Variants in DPP10 observed in about 807,000 individuals in gnomAD.
The protein encoded by DPP10 is dipeptidyl peptidase like 10, also known as inactive dipeptidyl peptidase 10.
Under a neutral mutation model 120.9 loss-of-function variants are expected in DPP10, and 33 were observed. The ratio of observed to expected loss-of-function variants is 0.27; its 90% CI spans 0.21 to 0.37. The LOEUF (loss-of-function observed/expected upper bound fraction) is 0.37, where lower values mean the gene tolerates loss of function less well. DPP10 is among the 10% of genes least tolerant of loss of function. The pLI is 1.00. For missense variants in DPP10, 816 were observed against 942.8 expected (o/e 0.87, Z 1.76); for synonymous variants, 337 against 326.1 (o/e 1.03, Z -0.36).
chr2:115,658,187 G>T (rs916468704), intron 5 of DPP10, among the ~76,000 whole-genome samples: 4 of 151,918 alleles, frequency 2.6e-5, no homozygotes, highest in African/African-American at 9.7e-5. Context: ...TCTAGTAAAT[G>T]CAACAAGCAA....
At chr2:114,647,289 G>A (rs532377455) in intron 1 of DPP10, among the ~76,000 whole-genome samples, 1 of 152,228 alleles carries the variant, frequency 6.6e-6, no homozygotes, top group African/African-American at 2.4e-5. Flanking sequence ...GCTGTCTCCT[G>A]GGGTGAGCAA....
At chr2:114,596,733 G>A (rs1240512806) in intron 1 of DPP10, among the ~76,000 whole-genome samples, 1 of 151,798 alleles carries the variant, frequency 6.6e-6, no homozygotes, top group African/African-American at 2.4e-5. Context: ...TAAAACTGAG[G>A]CAGAGAGAAG....
chr2:115,379,916 G>T (rs1246240485), intron 3 of DPP10, among the ~76,000 whole-genome samples: 1 of 152,182 alleles, frequency 6.6e-6, no homozygotes, highest in African/African-American at 2.4e-5. Context: ...TGGTCTGAGA[G>T]ATAGTTTGTT....
At chr2:115,303,006 T>A (rs1329812093) in intron 1 of DPP10, among the ~76,000 whole-genome samples, 2 of 152,060 alleles carry the variant, frequency 1.3e-5, no homozygotes, top group Non-Finnish European at 2.9e-5. Flanking sequence ...TATTCTTAAC[T>A]GATGTCTTGT....
chr2:114,718,495 T>C (rs1701500468), intron 1 of DPP10, among the ~76,000 whole-genome samples: 1 of 151,990 alleles, frequency 6.6e-6, no homozygotes, highest in African/African-American at 2.4e-5. Context: ...GCTATTGTAT[T>C]GGATAGATAT....
intron 15 of DPP10, among the ~76,000 whole-genome samples, chr2:115,778,753 T>A (rs1208123302): frequency 1.3e-5 from 2 of 152,102 alleles, no homozygotes; most frequent in Non-Finnish European, 2.9e-5. Context: ...CACACTCTTA[T>A]TTATACACAA....
intron 10 of DPP10, among the ~76,000 whole-genome samples, chr2:115,749,155 G>T (rs1442417142): frequency 6.6e-6 from 1 of 152,118 alleles, no homozygotes; most frequent in East Asian, 1.9e-4. Context: ...TTAAGGTATT[G>T]CAATCACACA....
chr2:115,336,599 C>CTATA (rs71394128), intron 2 of DPP10, among the ~76,000 whole-genome samples: 9 of 145,786 alleles, frequency 6.2e-5, no homozygotes, highest in Non-Finnish European at 1.1e-4. Context: ...CTCTCTCTCT[C>CTATA]TATATATATA....
At position 115,294,709 on chromosome 2, in the gene DPP10, C is replaced by G. The variant is rs2060806636; in HGVS notation, c.61-14530C>G. On this transcript the variant is annotated intron_variant, in intron 1 of 25. Coordinates refer to ENST00000410059, the MANE Select transcript of DPP10 (RefSeq NM_020868.6). ...ACCTATGTAGTTTATGAAGGCAAAG[C>G]CTACAGTTAGTTTGAGACAACTATT... Among the ~76,000 whole-genome samples the G allele has an allele frequency of 5.3e-5, 8 of 152,186 alleles. No homozygotes were observed. In the South Asian group the frequency reaches 1.7e-3, roughly 32 times the overall value.
At chr2:115,537,438 T>C (rs1036848917) in intron 5 of DPP10, among the ~76,000 whole-genome samples, 3 of 152,046 alleles carry the variant, frequency 2.0e-5, no homozygotes, top group African/African-American at 7.2e-5. Flanking sequence ...TTAGGTTGAA[T>C]GTGAGTTAAG....
chr2:114,497,390 CACAT>C (rs918676120), intron 1 of DPP10, among the ~76,000 whole-genome samples: 3 of 125,898 alleles, frequency 2.4e-5, no homozygotes, highest in African/African-American at 1.0e-4. Context: ...CATATACATA[CACAT>C]ACATATACAT....
At chr2:115,663,260 A>C (rs2089156869) in intron 5 of DPP10, among the ~76,000 whole-genome samples, 1 of 152,164 alleles carries the variant, frequency 6.6e-6, no homozygotes, top group African/African-American at 2.4e-5. Context: ...TATATATTTC[A>C]TATTTAAAAG....
At chr2:115,573,276 ATTTTTT>A (rs34420249) in intron 5 of DPP10, among the ~76,000 whole-genome samples, 2 of 86,528 alleles carry the variant, frequency 2.3e-5, no homozygotes, top group Non-Finnish European at 2.3e-5. Flanking sequence ...GCTTCCTGGG[ATTTTTT>A]TTTTTTTTTT....
intron 4 of DPP10, among the ~76,000 whole-genome samples, chr2:115,515,153 A>T (rs2148854220): frequency 6.6e-6 from 1 of 152,074 alleles, no homozygotes; most frequent in South Asian, 2.1e-4. Flanking sequence ...TGGTTTAAAT[A>T]TTTTTCTATT....
intron 1 of DPP10, among the ~76,000 whole-genome samples, chr2:114,876,019 G>A (rs1430899013): frequency 6.6e-6 from 1 of 152,012 alleles, no homozygotes; most frequent in Non-Finnish European, 1.5e-5. Flanking sequence ...AGTTTTGATA[G>A]TATATTCAGT....
At position 115,425,597 on chromosome 2, in the gene DPP10, C is replaced by T. The variant is rs368089865; in HGVS notation, c.272-73913C>T. Among the ~76,000 whole-genome samples the T allele has an allele frequency of 1.1e-3, 164 of 152,250 alleles. 3 individuals carry two copies. The South Asian group carries it at 0.033, about 31-fold the overall frequency. On this transcript the variant is annotated intron_variant, in intron 3 of 25. Transcript: ENST00000410059. Reference sequence around the variant, plus strand: ...TAACTCTTTATAATAGAACACTATTCCACCTAAATGAAGCACATGTAGTAT... The same window carrying T: ...TAACTCTTTATAATAGAACACTATTTCACCTAAATGAAGCACATGTAGTAT...
chr2:115,405,392 A>T (rs1435654642), intron 3 of DPP10, among the ~76,000 whole-genome samples: 1 of 152,086 alleles, frequency 6.6e-6, no homozygotes, highest in African/African-American at 2.4e-5. Flanking sequence ...CACCTCCAAG[A>T]CTTTGCTGGG....
intron 1 of DPP10, among the ~76,000 whole-genome samples, chr2:115,207,340 A>G (rs889790116): frequency 6.7e-6 from 1 of 148,624 alleles, no homozygotes; most frequent in African/African-American, 2.5e-5. Flanking sequence ...ACTTTGGTGC[A>G]ATAGGCACCC....
At chr2:115,037,037 C>T (rs1360248686) in intron 1 of DPP10, among the ~76,000 whole-genome samples, 3 of 152,094 alleles carry the variant, frequency 2.0e-5, no homozygotes, top group Admixed American at 6.5e-5. Flanking sequence ...ATGGATTGAG[C>T]TGCCATGGGA....
Sources: gnomAD v4.1 joint callset for allele counts (sites outside exome capture counted in the v4.1 genomes callset) on GRCh38, gnomAD v4.1.1 for gene constraint, MANE v1.5 for transcripts, NCBI Gene and HGNC (gene_info 2026-07-23, HGNC 2026-07-21) for gene names.